Variants in FECH observed in about 807,000 individuals in gnomAD.
FECH encodes the protein ferrochelatase, also known as ferrochelatase, mitochondrial.
FECH carries 40 observed loss-of-function variants against 56.9 expected under a neutral mutation model. The ratio of observed to expected loss-of-function variants is 0.70; its 90% CI spans 0.55 to 0.92. The LOEUF (loss-of-function observed/expected upper bound fraction) is 0.92, where lower values mean the gene tolerates loss of function less well. Ranked by LOEUF, FECH falls within the 40% of genes least tolerant of loss-of-function variation. The pLI, the probability that FECH is intolerant of heterozygous loss-of-function variation, is 0.00. For missense variants in FECH, 431 were observed against 529.1 expected (o/e 0.81, Z 1.82); for synonymous variants, 175 against 198.6 (o/e 0.88, Z 1.00).
At chr18:57,584,322 T>A (rs1599019769) in intron 1 of FECH, among the ~76,000 whole-genome samples, 1 of 59,498 alleles carries the variant, frequency 1.7e-5, no homozygotes. Flanking sequence ...TGAGACTCGG[T>A]CTCAAAAAAA....
chr18:57,572,990 G>T (rs1419920358), intron 3 of FECH: 2 of 514,280 alleles, frequency 3.9e-6, no homozygotes, highest in East Asian at 7.1e-5. Flanking sequence ...AGGTACCTAG[G>T]CTATGTCAAG....
chr18:57,551,025 G>C, intron 10 of FECH, 179 bp from the exon 11 acceptor site: 1 of 739,266 alleles, frequency 1.4e-6, no homozygotes, highest in Non-Finnish European at 2.2e-6. Context: ...TCAGCTTACA[G>C]AAAGTTAAAA....
At chr18:57,562,151 T>C (rs1277596320) in intron 6 of FECH, among the ~76,000 whole-genome samples, 1 of 152,210 alleles carries the variant, frequency 6.6e-6, no homozygotes, top group Non-Finnish European at 1.5e-5. Flanking sequence ...AATGACTTAA[T>C]ATTTCCCCTA....
At chr18:57,572,513 T>TAAAAAAAAAAAAAAA (rs57279341) in intron 3 of FECH, among the ~76,000 whole-genome samples, 1 of 55,994 alleles carries the variant, frequency 1.8e-5, no homozygotes, top group African/African-American at 7.2e-5. Context: ...TATACGTATG[T>TAAAAAAAAAAAAAAA]AAAAAAAAAA....
chr18:57,564,600 A>G (rs933322854), intron 5 of FECH, among the ~76,000 whole-genome samples: 5 of 152,252 alleles, frequency 3.3e-5, no homozygotes, highest in Non-Finnish European at 5.9e-5. Flanking sequence ...ATACTCTCAG[A>G]CTAAGACTCA....
chr18:57,584,996 G>C (rs563195613), intron 1 of FECH, among the ~76,000 whole-genome samples: 3 of 150,030 alleles, frequency 2.0e-5, no homozygotes, highest in Non-Finnish European at 3.0e-5. Flanking sequence ...GAGCGACAGA[G>C]CAACACTCCA....
At chr18:57,581,199 G>A (rs2051272675) in intron 1 of FECH, among the ~76,000 whole-genome samples, 1 of 152,148 alleles carries the variant, frequency 6.6e-6, no homozygotes, top group Non-Finnish European at 1.5e-5. Flanking sequence ...AACATAGGAG[G>A]ACAGAACATA....
intron 9 of FECH, among the ~76,000 whole-genome samples, chr18:57,553,865 G>A (rs1265079206): frequency 2.0e-5 from 3 of 152,170 alleles, no homozygotes; most frequent in Admixed American, 2.0e-4. Context: ...ATAGCCCTGA[G>A]TAAAGGTCAT....
rs772476855 is a variant in FECH at position 57,573,376 on chromosome 18, T to C, written c.195-11A>G. On this transcript the variant is annotated splice_polypyrimidine_tract_variant and intron_variant, in intron 2 of 10. Coordinates refer to ENST00000262093, the MANE Select transcript of FECH (RefSeq NM_000140.5). ...CCAGTTTTCGGCTTCCTATATAAAA[T>C]AAAATACAACGGTTGATTTGTCACA... is the stretch of plus-strand genomic sequence containing the variant. 1.2e-5 allele frequency: 19 copies of C among 1,613,936 alleles called. No homozygotes were observed. The highest frequency in any genetic ancestry group is 3.3e-5 in the Admixed American group (2 of 59,998).
At chr18:57,576,859 C>T (rs2051192521) in intron 2 of FECH, among the ~76,000 whole-genome samples, 1 of 152,194 alleles carries the variant, frequency 6.6e-6, no homozygotes, top group South Asian at 2.1e-4. Context: ...CAAGGGTCTC[C>T]ATCTCCTCTC....
Position 57,545,752 on chromosome 18 carries a change from A to G in FECH, c.*4960T>C, listed in dbSNP as rs1473816475. ...GCAAAATACGTGCATATGGAAAAGA[A>G]GCACAACATTTAAGGCAAAGATCAG... On this transcript the variant is annotated 3_prime_UTR_variant, in exon 11 of 11. Coordinates refer to ENST00000262093, the MANE Select transcript of FECH (RefSeq NM_000140.5). Among the ~76,000 whole-genome samples, 1 of 152,232 alleles carries G rather than the reference A, an allele frequency of 6.6e-6. No individual in the cohort carries two copies. Among genetic ancestry groups the G allele is most frequent in the Non-Finnish European group, 1.5e-5 (1 of 68,038 alleles).
intron 2 of FECH, among the ~76,000 whole-genome samples, chr18:57,577,378 A>G (rs139460114): frequency 6.6e-6 from 1 of 152,228 alleles, no homozygotes; most frequent in Non-Finnish European, 1.5e-5. Context: ...AGTTTGGCCT[A>G]CAAAGCCTGA....
intron 1 of FECH, among the ~76,000 whole-genome samples, chr18:57,581,002 T>G (rs1443960577): frequency 6.6e-6 from 1 of 152,096 alleles, no homozygotes; most frequent in Admixed American, 6.5e-5. Flanking sequence ...GAACTGGGCA[T>G]GAAGACCAGA....
intron 6 of FECH, 67 bp downstream of exon 6, chr18:57,562,807 A>G: frequency 7.9e-7 from 1 of 1,263,160 alleles, no homozygotes; most frequent in Non-Finnish European, 1.2e-6. Flanking sequence ...CCACAAACCC[A>G]GAAGGGATGA....
At chr18:57,562,464 T>C (rs1209256527) in intron 6 of FECH, among the ~76,000 whole-genome samples, 1 of 152,234 alleles carries the variant, frequency 6.6e-6, no homozygotes. Flanking sequence ...CATGTAGATA[T>C]ATTACTTTTA....
intron 2 of FECH, 164 bp downstream of exon 2, chr18:57,579,909 G>A: frequency 2.3e-6 from 2 of 878,096 alleles, no homozygotes; most frequent in South Asian, 2.7e-5. Context: ...AGTGGGGAAG[G>A]AGGGTGTAAA....
chr18:57,570,612 C>A (rs2051090998), intron 4 of FECH, among the ~76,000 whole-genome samples: 2 of 152,236 alleles, frequency 1.3e-5, no homozygotes, highest in Admixed American at 1.3e-4. Flanking sequence ...GAATGTAATT[C>A]ATGTGTCCTA....
intron 5 of FECH, among the ~76,000 whole-genome samples, chr18:57,565,222 T>A (rs1330917873): frequency 2.0e-5 from 3 of 152,190 alleles, no homozygotes; most frequent in African/African-American, 7.2e-5. Flanking sequence ...AAGGCAAAAG[T>A]AGAGCTTAAA....
At chr18:57,582,569 C>T (rs537845912) in intron 1 of FECH, among the ~76,000 whole-genome samples, 2 of 149,972 alleles carry the variant, frequency 1.3e-5, no homozygotes, top group African/African-American at 4.9e-5. Flanking sequence ...TTGGGGGCAG[C>T]CTGGGCAACA....
Sources: gnomAD v4.1 joint callset for allele counts (sites outside exome capture counted in the v4.1 genomes callset) on GRCh38, gnomAD v4.1.1 for gene constraint, MANE v1.5 for transcripts, NCBI Gene and HGNC (gene_info 2026-07-23, HGNC 2026-07-21) for gene names.